CHCHD4: variants seen among roughly 807,000 people sequenced by gnomAD.
The protein encoded by CHCHD4 is mitochondrial intermembrane space import and assembly protein 40.
In CHCHD4, 7 loss-of-function variants were observed where a neutral mutation model predicts 12.4. The observed-to-expected ratio is 0.57, with a 90% CI of 0.32 to 1.06. CHCHD4 has a LOEUF of 1.06. Among genes scored for constraint, CHCHD4 ranks in the 50% least tolerant of loss-of-function variants. The probability of loss-of-function intolerance (pLI) is 0.04; values close to 1 mark genes in which losing one functional copy is unlikely to be tolerated. For synonymous variants in CHCHD4, 56 were observed against 58.0 expected, an observed-to-expected ratio of 0.97 and a Z score of 0.16; for missense variants, 143 against 175.1, an observed-to-expected ratio of 0.82 and a Z score of 1.03.
chr3:14,120,722 A>G (rs1185261651), intron 1 of CHCHD4, among the ~76,000 whole-genome samples: 1 of 152,200 alleles, frequency 6.6e-6, no homozygotes, highest in Non-Finnish European at 1.5e-5. Context: ...AGTACCAAGG[A>G]CAAAGTGGGT....
intron 2 of CHCHD4, among the ~76,000 whole-genome samples, chr3:14,113,696 G>A (rs1694845392): frequency 6.6e-6 from 1 of 152,098 alleles, no homozygotes; most frequent in South Asian, 2.1e-4. Context: ...TGGTGAAAAG[G>A]AGGAGGTTGC....
intron 2 of CHCHD4, among the ~76,000 whole-genome samples, chr3:14,115,029 C>T (rs1205091032): frequency 6.6e-6 from 1 of 152,104 alleles, no homozygotes; most frequent in Non-Finnish European, 1.5e-5. Context: ...TTAGCTATTC[C>T]AAGCACCATC....
intron 1 of CHCHD4, among the ~76,000 whole-genome samples, chr3:14,117,506 T>C (rs751761437): frequency 6.6e-6 from 1 of 152,188 alleles, no homozygotes; most frequent in Non-Finnish European, 1.5e-5. Context: ...CCCTCTCTGC[T>C]ACACCTTGTA....
intron 1 of CHCHD4, among the ~76,000 whole-genome samples, chr3:14,124,156 A>C (rs1694973710): frequency 6.6e-6 from 1 of 152,240 alleles, no homozygotes; most frequent in Non-Finnish European, 1.5e-5. Flanking sequence ...AGTGCCTGAC[A>C]GGTAGCAGGG....
chr3:14,112,622 T>A lies in CHCHD4; in HGVS notation c.*265A>T. On this transcript the variant is annotated 3_prime_UTR_variant, in exon 3 of 3. Coordinates refer to ENST00000396914, the MANE Select transcript of CHCHD4 (RefSeq NM_001098502.2). ...TGCTGAGCTTATTCAGCACATTATT[T>A]AAAAGTGGCAAAATTCAGGGCAATC... The A allele has an allele frequency of 2.6e-6, 1 of 390,606 alleles. No individual in the cohort carries two copies. The highest frequency in any genetic ancestry group is 4.6e-6 in the Non-Finnish European group (1 of 218,414). 24.2% of individuals were successfully genotyped at this position (390,606 alleles called of 1,614,324 possible).
chr3:14,123,073 C>T (rs1294855016), intron 1 of CHCHD4, among the ~76,000 whole-genome samples: 2 of 151,952 alleles, frequency 1.3e-5, no homozygotes, highest in South Asian at 2.1e-4. Flanking sequence ...GGACTTCTTA[C>T]GGGGACAGTG....
At chr3:14,114,531 G>A (rs947937089) in intron 2 of CHCHD4, among the ~76,000 whole-genome samples, 6 of 152,030 alleles carry the variant, frequency 3.9e-5, no homozygotes. Flanking sequence ...CCTCAGTGCT[G>A]GAGAAACATT....
chr3:14,117,067 A>AG (rs2124976181), intron 1 of CHCHD4, among the ~76,000 whole-genome samples: 1 of 152,310 alleles, frequency 6.6e-6, no homozygotes, highest in South Asian at 2.1e-4. Context: ...TAATAACTGG[A>AG]GGGGGGCAGT....
At position 14,124,651 on chromosome 3, in the gene CHCHD4, C is replaced by T. The variant is rs1465639402; in HGVS notation, c.22+4G>A. 7.2e-6 allele frequency: 11 copies of T among 1,522,370 alleles called. No individual in the cohort carries two copies. The highest frequency in any genetic ancestry group is 8.8e-6 in the Non-Finnish European group (10 of 1,137,626). 94.3% of individuals were successfully genotyped at this position (1,522,370 alleles called of 1,614,324 possible). A position where few individuals can be genotyped will look rare whatever the true frequency, so the allele number is the denominator to read the frequency against. On this transcript the variant is annotated splice_donor_region_variant and intron_variant, in intron 1 of 2. Coordinates refer to ENST00000396914, the MANE Select transcript of CHCHD4 (RefSeq NM_001098502.2). ...CGGTCTCCGTGGCAGCCCGCCCTCCCTACCTTCCTGCCGGCAATAGGACAT... is the reference window on the plus strand; with the variant it reads ...CGGTCTCCGTGGCAGCCCGCCCTCCTTACCTTCCTGCCGGCAATAGGACAT...
intron 1 of CHCHD4, among the ~76,000 whole-genome samples, chr3:14,120,654 C>T (rs747580023): frequency 6.6e-6 from 1 of 152,170 alleles, no homozygotes; most frequent in African/African-American, 2.4e-5. Context: ...ATGTCAGCTC[C>T]TCAGAGGCAG....
intron 1 of CHCHD4, among the ~76,000 whole-genome samples, chr3:14,123,561 C>T (rs1206486039): frequency 6.6e-6 from 1 of 152,180 alleles, no homozygotes; most frequent in Non-Finnish European, 1.5e-5. Context: ...TACAGGTAGG[C>T]CACCTCCTTC....
Position 14,113,136 on chromosome 3 carries a change from G to A in CHCHD4, c.180C>T (p.Ala60=), listed in dbSNP as rs770943703. Residue 60 remains alanine (A), a synonymous_variant, in exon 3 of 3, where the codon GCC becomes GCT. Coordinates refer to ENST00000396914, the MANE Select transcript of CHCHD4 (RefSeq NM_001098502.2). The part of the protein sequence containing the change: ...NWNCPCLGGM[A]SGPCGEQFKS... ...TAAACTGTTCTCCACAGGGACCGCT[G>A]GCCATTCCCCCAAGGCATGGGCAGT... is the stretch of plus-strand genomic sequence containing the variant. 14 of 1,613,860 alleles carry A rather than the reference G, an allele frequency of 8.7e-6. No individual in the cohort carries two copies. The East Asian group carries it at 2.2e-4, about 26-fold the overall frequency.
intron 1 of CHCHD4, among the ~76,000 whole-genome samples, chr3:14,118,964 G>C (rs903282332): frequency 6.6e-6 from 1 of 152,200 alleles, no homozygotes; most frequent in South Asian, 2.1e-4. Flanking sequence ...GGCCCTCCTG[G>C]GGTTTGCCAT....
At position 14,112,218 on chromosome 3, in the gene CHCHD4, C is replaced by T. The variant is rs1694829126; in HGVS notation, c.*669G>A. 1 of 152,158 alleles carries T rather than the reference C, an allele frequency of 6.6e-6. No homozygotes were observed. Among genetic ancestry groups the T allele is most frequent in the South Asian group, 2.1e-4 (1 of 4,832 alleles). 9.4% of individuals were successfully genotyped at this position (152,158 alleles called of 1,614,324 possible). On this transcript the variant is annotated 3_prime_UTR_variant, in exon 3 of 3. Transcript: ENST00000396914. ...ACTGAGAGCCAGTGTGAACATGGGCCCCAAACCAGGGCTTTCGGAATAACA... is the reference window on the plus strand; with the variant it reads ...ACTGAGAGCCAGTGTGAACATGGGCTCCAAACCAGGGCTTTCGGAATAACA...
intron 2 of CHCHD4, 105 bp from the exon 3 acceptor site, chr3:14,113,299 C>T: frequency 1.1e-6 from 1 of 902,514 alleles, no homozygotes; most frequent in Non-Finnish European, 1.7e-6. Flanking sequence ...ACTATTGTTG[C>T]CTATGGACCC....
chr3:14,116,666 C>T (rs1263737022), intron 1 of CHCHD4, 142 bp from the exon 2 acceptor site: 1 of 687,698 alleles, frequency 1.5e-6, no homozygotes, highest in South Asian at 1.6e-5. Context: ...AAACTGCTCT[C>T]ATATGCTAGG....
chr3:14,116,337 G>T, intron 2 of CHCHD4, 89 bp downstream of exon 2: 1 of 933,854 alleles, frequency 1.1e-6, no homozygotes, highest in Non-Finnish European at 1.8e-6. Flanking sequence ...ACTTGGCCTT[G>T]GCTAGGAAAA....
Position 14,121,870 on chromosome 3 carries a change from C to T in CHCHD4, c.22+2785G>A, listed in dbSNP as rs774971833. On this transcript the variant is annotated intron_variant, in intron 1 of 2. Coordinates refer to ENST00000396914, the MANE Select transcript of CHCHD4 (RefSeq NM_001098502.2). ...GAAGAATACACAAATGGCTTTCAGA[C>T]AGAGTGTTAAGAAGAATGCAAGTGT... 27 of 1,613,844 alleles carry T rather than the reference C, an allele frequency of 1.7e-5. 1 individual carries two copies. In the South Asian group the frequency reaches 2.6e-4, roughly 16 times the overall value.
At chr3:14,124,524 G>C (rs1316409378) in intron 1 of CHCHD4, 131 bp downstream of exon 1, 1 of 686,480 alleles carries the variant, frequency 1.5e-6, no homozygotes, top group South Asian at 2.7e-5. Context: ...GCCCGCCTCC[G>C]AGTGTCCCAG....
Sources: gnomAD v4.1 joint callset for allele counts (sites outside exome capture counted in the v4.1 genomes callset) on GRCh38, gnomAD v4.1.1 for gene constraint, MANE v1.5 for transcripts, NCBI Gene and HGNC (gene_info 2026-07-23, HGNC 2026-07-21) for gene names.